The following IRAK2 variants were observed in gnomAD, a reference collection of about 807,000 sequenced individuals.
IRAK2 encodes interleukin-1 receptor-associated kinase-like 2.
A neutral mutation model predicts 72.0 loss-of-function variants in IRAK2; 57 were observed. That is an observed-to-expected ratio of 0.79 (90% CI 0.64 to 0.99). IRAK2 has a LOEUF of 0.99. IRAK2 is among the 50% of genes least tolerant of loss of function. The pLI is 0.00. For missense variants in IRAK2, 790 were observed against 794.4 expected (o/e 0.99, Z 0.07); for synonymous variants, 293 against 312.7 (o/e 0.94, Z 0.67).
At chr3:10,227,826 A>C (rs867552613) in intron 10 of IRAK2, among the ~76,000 whole-genome samples, 6 of 151,522 alleles carry the variant, frequency 4.0e-5, no homozygotes, top group Non-Finnish European at 8.8e-5. Context: ...CCACCACCAC[A>C]CCTGGCTAAT....
chr3:10,191,170 C>T (rs1697169531), intron 2 of IRAK2, among the ~76,000 whole-genome samples: 1 of 152,068 alleles, frequency 6.6e-6, no homozygotes, highest in South Asian at 2.1e-4. Flanking sequence ...TGGCGGGTGC[C>T]TGTAGTCCCA....
chr3:10,213,301 A>T lies in IRAK2; in HGVS notation c.623A>T (p.Asp208Val). 1 of 1,614,158 alleles carries T rather than the reference A, an allele frequency of 6.2e-7. No homozygotes were observed. The highest frequency in any genetic ancestry group is 8.5e-7 in the Non-Finnish European group (1 of 1,180,030). Residue 208 changes from aspartate (D) to valine (V), a missense_variant, in exon 5 of 13, where the codon GAT (aspartate) becomes GTT (valine). By Grantham distance (152) the Asp-to-Val change is radical. Transcript: ENST00000256458. ...GAGGCAGACGTGGTCCAGGCAACCG[A>T]TGACTTCAATCAAAACCGCAAAATC... ...WSEADVVQAT[D>V]DFNQNRKISQ...
At chr3:10,181,928 ATTCCT>A (rs1696965187) in intron 2 of IRAK2, among the ~76,000 whole-genome samples, 1 of 150,164 alleles carries the variant, frequency 6.7e-6, no homozygotes, top group East Asian at 1.9e-4. Flanking sequence ...CCAATGCCCT[ATTCCT>A]GAGTAAGCAT....
chr3:10,199,775 G>T (rs1234157955), intron 2 of IRAK2, among the ~76,000 whole-genome samples: 7 of 152,124 alleles, frequency 4.6e-5, no homozygotes, highest in African/African-American at 1.7e-4. Flanking sequence ...ACCGAGAGGA[G>T]GAAGGTGACT....
chr3:10,186,610 C>G (rs917438212), intron 2 of IRAK2, among the ~76,000 whole-genome samples: 1 of 151,500 alleles, frequency 6.6e-6, no homozygotes, highest in Non-Finnish European at 1.5e-5. Context: ...CAGAGAACCT[C>G]TTCTGAGGGT....
intron 10 of IRAK2, among the ~76,000 whole-genome samples, chr3:10,231,782 T>C (rs1697865110): frequency 6.6e-6 from 1 of 152,196 alleles, no homozygotes; most frequent in African/African-American, 2.4e-5. Flanking sequence ...CCCAAAGTGC[T>C]GACATTACAG....
intron 2 of IRAK2, among the ~76,000 whole-genome samples, chr3:10,184,609 ACTC>A (rs964890261): frequency 1.3e-5 from 2 of 148,348 alleles, no homozygotes; most frequent in African/African-American, 5.1e-5. Flanking sequence ...ACAATAAAAA[ACTC>A]CTACTTGAGA....
chr3:10,175,279 A>G (rs1696856368), intron 1 of IRAK2, among the ~76,000 whole-genome samples: 1 of 151,808 alleles, frequency 6.6e-6, no homozygotes, highest in Non-Finnish European at 1.5e-5. Flanking sequence ...GGCGTGTGTT[A>G]CCACACCTGG....
At chr3:10,178,217 G>A (rs1324033979) in intron 2 of IRAK2, among the ~76,000 whole-genome samples, 197 bp downstream of exon 2, 5 of 152,324 alleles carry the variant, frequency 3.3e-5, no homozygotes, top group South Asian at 2.1e-4. Context: ...CAGCACTTCC[G>A]GAGGCTGAGG....
In IRAK2 at chr3:10,234,640, G is replaced by A. The variant is rs147886175; in HGVS notation, c.1454G>A (p.Arg485His). The change falls in exon 11 of 13, where the codon CGT (arginine) becomes CAT (histidine). Residue 485 changes from arginine (R) to histidine (H), a missense_variant. Arg to His is a conservative substitution (Grantham distance 29). Coordinates refer to ENST00000256458, the MANE Select transcript of IRAK2 (RefSeq NM_001570.4). Reference sequence around the variant, plus strand: ...GCTGCCTGCCTGTGCCTGCGGAGGCGTAACACCAGCCTGCAGGAGGTGAGC... The same window carrying A: ...GCTGCCTGCCTGTGCCTGCGGAGGCATAACACCAGCCTGCAGGAGGTGAGC... Reference protein sequence around the residue: ...ATAACLCLRRRNTSLQEVCGS... With the variant: ...ATAACLCLRRHNTSLQEVCGS... 3 of 1,612,780 alleles carry A rather than the reference G, an allele frequency of 1.9e-6. No homozygotes were observed. Among genetic ancestry groups the A allele is most frequent in the Non-Finnish European group, 1.7e-6 (2 of 1,179,728 alleles).
At chr3:10,206,908 G>A (rs7633458) in intron 3 of IRAK2, among the ~76,000 whole-genome samples, 8,883 of 151,510 alleles carry the variant, frequency 0.059, 631 homozygotes, top group African/African-American at 0.17. Flanking sequence ...AGGCTGGAGT[G>A]CAGTGGCACA....
intron 2 of IRAK2, among the ~76,000 whole-genome samples, chr3:10,182,287 CTT>C (rs564399732): frequency 6.2e-5 from 8 of 128,696 alleles, no homozygotes; most frequent in Admixed American, 8.1e-5. Context: ...TTCTTTTTTT[CTT>C]TTTTTTTTTT....
intron 2 of IRAK2, among the ~76,000 whole-genome samples, chr3:10,181,027 C>T (rs1387112959): frequency 1.3e-5 from 2 of 152,110 alleles, no homozygotes; most frequent in South Asian, 2.1e-4. Flanking sequence ...CAGGCTGGAC[C>T]CTGACTCCTC....
intron 2 of IRAK2, among the ~76,000 whole-genome samples, chr3:10,190,045 T>C (rs1697149186): frequency 6.6e-6 from 1 of 151,570 alleles, no homozygotes; most frequent in Admixed American, 6.6e-5. Context: ...CCCTATTTTA[T>C]AGAAGAGGAA....
chr3:10,177,530 G>C (rs1477444245), intron 1 of IRAK2, among the ~76,000 whole-genome samples: 1 of 152,188 alleles, frequency 6.6e-6, no homozygotes, highest in African/African-American at 2.4e-5. Context: ...GGCAGAGCTA[G>C]TACCCACTGA....
intron 2 of IRAK2, among the ~76,000 whole-genome samples, chr3:10,190,855 C>T (rs896783736): frequency 7.2e-5 from 11 of 152,314 alleles, no homozygotes; most frequent in African/African-American, 2.4e-4. Context: ...AAGGGTCATG[C>T]AGCCTCCTGC....
At chr3:10,221,738 G>A (rs1370369519) in intron 8 of IRAK2, among the ~76,000 whole-genome samples, 1 of 152,058 alleles carries the variant, frequency 6.6e-6, no homozygotes, top group Non-Finnish European at 1.5e-5. Context: ...TGCTGCCCAT[G>A]CTGGTCTCAA....
intron 11 of IRAK2, among the ~76,000 whole-genome samples, chr3:10,235,269 T>G (rs934375935): frequency 6.6e-6 from 1 of 151,834 alleles, no homozygotes; most frequent in African/African-American, 2.4e-5. Context: ...AGCCGTGGCT[T>G]CCATGGTAAA....
intron 6 of IRAK2, among the ~76,000 whole-genome samples, chr3:10,214,873 T>TC (rs2125156805): frequency 6.6e-6 from 1 of 151,740 alleles, no homozygotes; most frequent in East Asian, 1.9e-4. Context: ...GGCGAGTGGA[T>TC]CACTTAAGTC....
Sources: gnomAD v4.1 joint callset for allele counts (sites outside exome capture counted in the v4.1 genomes callset) on GRCh38, gnomAD v4.1.1 for gene constraint, MANE v1.5 for transcripts, NCBI Gene and HGNC (gene_info 2026-07-23, HGNC 2026-07-21) for gene names.